The following NR3C2 variants were observed in gnomAD, a reference collection of about 807,000 sequenced individuals.
The protein encoded by NR3C2 is nuclear receptor subfamily 3 group C member 2.
NR3C2 carries 15 observed loss-of-function variants against 86.4 expected under a neutral mutation model. The ratio of observed to expected loss-of-function variants is 0.17; its 90% CI spans 0.12 to 0.27. The LOEUF is 0.27. Among genes scored for constraint, NR3C2 ranks in the 10% least tolerant of loss-of-function variants. NR3C2 has a pLI of 1.00. For synonymous variants in NR3C2, 458 were observed against 450.5 expected (o/e 1.02, Z -0.21); for missense variants, 960 against 1,195.6 (o/e 0.80, Z 2.91).
chr4:148,442,115 A>C (rs533041529), intron 1 of NR3C2, 45 bp downstream of exon 1: 1 of 152,560 alleles, frequency 6.6e-6, no homozygotes, highest in Non-Finnish European at 1.5e-5. Context: ...CCGCGGCCGC[A>C]CGCCGAGCAC....
chr4:148,118,282 A>T (rs1241529162), intron 7 of NR3C2, among the ~76,000 whole-genome samples: 1 of 152,094 alleles, frequency 6.6e-6, no homozygotes, highest in African/African-American at 2.4e-5. Flanking sequence ...GCATGCTGGC[A>T]CCTGCACGAT....
In NR3C2 at chr4:148,321,441, TTC is replaced by T. The variant is rs904009955; in HGVS notation, c.1758-61326_1758-61325del. 8.7e-4 allele frequency among the ~76,000 whole-genome samples: 131 copies of T among 151,380 alleles called. 1 individual carries two copies. Among genetic ancestry groups the T allele is most frequent in the South Asian group, 1.7e-3 (8 of 4,750 alleles). On this transcript the variant is annotated intron_variant, in intron 2 of 8. Coordinates refer to ENST00000358102, the MANE Select transcript of NR3C2 (RefSeq NM_000901.5). The stretch of plus-strand genomic sequence containing the variant: ...CAATTCCTGGGTATCCTTGTTGACT[TTC>T]TGTCTCTTTGATCCGTCTAATGTTG...
At chr4:148,131,557 T>C (rs752443698) in intron 6 of NR3C2, among the ~76,000 whole-genome samples, 1 of 152,240 alleles carries the variant, frequency 6.6e-6, no homozygotes, top group Non-Finnish European at 1.5e-5. Flanking sequence ...AAGATGTATC[T>C]GTAGAAGGAC....
At chr4:148,281,155 G>A (rs1554004406) in intron 2 of NR3C2, among the ~76,000 whole-genome samples, 1 of 152,088 alleles carries the variant, frequency 6.6e-6, no homozygotes, top group Non-Finnish European at 1.5e-5. Context: ...CTTTATCCCT[G>A]TTCTAGTTAT....
chr4:148,162,081 C>G (rs148302790), intron 4 of NR3C2, among the ~76,000 whole-genome samples: 90 of 152,270 alleles, frequency 5.9e-4, no homozygotes, highest in African/African-American at 2.1e-3. Context: ...CACCTGGAGT[C>G]AAGTGCCATT....
intron 2 of NR3C2, among the ~76,000 whole-genome samples, chr4:148,427,252 C>A (rs1468117227): frequency 6.6e-6 from 1 of 152,102 alleles, no homozygotes; most frequent in Admixed American, 6.6e-5. Context: ...CTGATCTCTT[C>A]ATTTCTCTTA....
intron 4 of NR3C2, among the ~76,000 whole-genome samples, chr4:148,194,146 A>C (rs1308726595): frequency 2.2e-4 from 34 of 152,180 alleles, no homozygotes; most frequent in Non-Finnish European, 4.1e-4. Flanking sequence ...GGAACTTAGA[A>C]TAATCAATTG....
chr4:148,108,661 T>C (rs1478782398), intron 8 of NR3C2, among the ~76,000 whole-genome samples: 1 of 152,094 alleles, frequency 6.6e-6, no homozygotes, highest in African/African-American at 2.4e-5. Context: ...GAGAAGAGCA[T>C]CTGAGTGACA....
At chr4:148,227,754 G>T (rs1055043089) in intron 3 of NR3C2, among the ~76,000 whole-genome samples, 3 of 152,130 alleles carry the variant, frequency 2.0e-5, no homozygotes, top group East Asian at 3.9e-4. Flanking sequence ...TATTTATTTT[G>T]TTGTTCAAGG....
rs1159942254 is a variant in NR3C2 at position 148,154,540 on chromosome 4, G to C, written c.2365+11C>G. On this transcript the variant is annotated intron_variant, in intron 5 of 8. Transcript: ENST00000358102. ...TCAGGATGCAGCCTGTGAAAGGAGAGGCAATCCTACCTGGAAGTACCTTTG... is the reference window on the plus strand; with the variant it reads ...TCAGGATGCAGCCTGTGAAAGGAGACGCAATCCTACCTGGAAGTACCTTTG... 3.1e-6 allele frequency: 5 copies of C among 1,613,106 alleles called. No homozygotes were observed. The highest frequency in any genetic ancestry group is 4.2e-6 in the Non-Finnish European group (5 of 1,179,242).
intron 8 of NR3C2, among the ~76,000 whole-genome samples, chr4:148,111,731 A>C (rs1384408705): frequency 1.3e-5 from 2 of 152,230 alleles, no homozygotes; most frequent in Non-Finnish European, 2.9e-5. Flanking sequence ...AGCCAGACCA[A>C]AAAAGACTAC....
upstream of NR3C2, chr4:148,444,337 C>T (rs1255375580): frequency 1.3e-5 from 13 of 985,316 alleles, no homozygotes; most frequent in Non-Finnish European, 1.6e-5. Flanking sequence ...CGCGATCACT[C>T]GCCCGCCACC....
intron 2 of NR3C2, among the ~76,000 whole-genome samples, chr4:148,345,202 G>C (rs558422822): frequency 1.3e-5 from 2 of 152,140 alleles, no homozygotes; most frequent in East Asian, 3.9e-4. Flanking sequence ...AAGTAGAAAT[G>C]TGTAACAAAT....
At chr4:148,431,354 G>A (rs561857191) in intron 2 of NR3C2, among the ~76,000 whole-genome samples, 1 of 152,220 alleles carries the variant, frequency 6.6e-6, no homozygotes, top group South Asian at 2.1e-4. Context: ...TATGTTAAAG[G>A]ATACTCTATT....
chr4:148,224,893 C>A (rs1201508656), intron 3 of NR3C2, among the ~76,000 whole-genome samples: 1 of 152,184 alleles, frequency 6.6e-6, no homozygotes, highest in East Asian at 1.9e-4. Context: ...AAGCTACATC[C>A]AGAAAAAACT....
chr4:148,280,825 G>A (rs185359789), intron 2 of NR3C2, among the ~76,000 whole-genome samples: 2 of 152,292 alleles, frequency 1.3e-5, no homozygotes, highest in East Asian at 1.9e-4. Flanking sequence ...TTTAGAATGC[G>A]TATACACCTG....
chr4:148,168,437 T>C (rs1734978910), intron 4 of NR3C2, among the ~76,000 whole-genome samples: 1 of 152,208 alleles, frequency 6.6e-6, no homozygotes, highest in Non-Finnish European at 1.5e-5. Flanking sequence ...TCCAGAAAGA[T>C]GAACTGGCTT....
intron 2 of NR3C2, among the ~76,000 whole-genome samples, chr4:148,331,321 G>C (rs1236771097): frequency 2.0e-5 from 3 of 152,158 alleles, no homozygotes; most frequent in African/African-American, 7.2e-5. Flanking sequence ...GATTTCCCAA[G>C]CATGAAAAGA....
chr4:148,170,624 C>T (rs972682178), intron 4 of NR3C2, among the ~76,000 whole-genome samples: 1 of 152,158 alleles, frequency 6.6e-6, no homozygotes, highest in East Asian at 1.9e-4. Flanking sequence ...CACTCCCCTT[C>T]GATGGAGCAT....
Sources: gnomAD v4.1 joint callset for allele counts (sites outside exome capture counted in the v4.1 genomes callset) on GRCh38, gnomAD v4.1.1 for gene constraint, MANE v1.5 for transcripts, NCBI Gene and HGNC (gene_info 2026-07-23, HGNC 2026-07-21) for gene names.